Variants in FARP2 observed in about 807,000 individuals in gnomAD.
The protein encoded by FARP2 is FERM, ARH/RhoGEF and pleckstrin domain protein 2.
Under a neutral mutation model 130.5 loss-of-function variants are expected in FARP2, and 111 were observed. The observed-to-expected ratio is 0.85, with a 90% CI of 0.73 to 1.00. FARP2 has a LOEUF of 1.00. FARP2 is among the 50% of genes least tolerant of loss of function. FARP2 has a pLI of 0.00. For synonymous variants in FARP2, 504 were observed against 516.9 expected (o/e 0.98, Z 0.34); for missense variants, 1,385 against 1,346.3 (o/e 1.03, Z -0.45).
chr2:241,439,891 G>C (rs1282894508), intron 12 of FARP2, among the ~76,000 whole-genome samples: 3 of 152,146 alleles, frequency 2.0e-5, no homozygotes, highest in Non-Finnish European at 4.4e-5. Flanking sequence ...CTGGGAGGTG[G>C]AGGTTGCAGT....
At chr2:241,422,521 A>G (rs1170695376) in intron 8 of FARP2, among the ~76,000 whole-genome samples, 1 of 152,190 alleles carries the variant, frequency 6.6e-6, no homozygotes, top group Non-Finnish European at 1.5e-5. Context: ...GAAAATCAAC[A>G]CAAAAATGCT....
At chr2:241,406,984 A>T in intron 4 of FARP2, among the ~76,000 whole-genome samples, 1 of 151,260 alleles carries the variant, frequency 6.6e-6, no homozygotes, top group Non-Finnish European at 1.5e-5. Context: ...ATTTTTTTGT[A>T]TTTTTAATAG....
At chr2:241,467,444 G>A (rs926240434) in intron 17 of FARP2, among the ~76,000 whole-genome samples, 4 of 151,986 alleles carry the variant, frequency 2.6e-5, no homozygotes, top group African/African-American at 7.3e-5. Context: ...TCAGGAGTTC[G>A]AGACCAGCCT....
rs542418128 is a variant in FARP2, at chr2:241,399,305, G to GGTTT, written c.184-4510_184-4507dup. Among the ~76,000 whole-genome samples, 126 of 152,112 alleles carry GGTTT rather than the reference G, an allele frequency of 8.3e-4. 2 individuals carry two copies. Among genetic ancestry groups the GGTTT allele is most frequent in the Non-Finnish European group, 1.5e-3 (99 of 67,976 alleles). On this transcript the variant is annotated intron_variant, in intron 2 of 26. Transcript: ENST00000264042. Reference sequence around the variant, plus strand: ...TATGTTGACTACAAGACCTTTGTTGGGTTTGTTTGTTTGTTTTTGAGACGG... The same window carrying GGTTT: ...TATGTTGACTACAAGACCTTTGTTGGGTTTGTTTGTTTGTTTGTTTTTGAGACGG...
chr2:241,473,999 C>CTTA (rs1355307629), intron 18 of FARP2, among the ~76,000 whole-genome samples: 1 of 151,972 alleles, frequency 6.6e-6, no homozygotes, highest in Non-Finnish European at 1.5e-5. Flanking sequence ...GCTGTTGTCA[C>CTTA]CCCCACTGGA....
intron 2 of FARP2, among the ~76,000 whole-genome samples, chr2:241,389,367 C>G (rs1292634018): frequency 1.3e-5 from 2 of 152,220 alleles, no homozygotes; most frequent in African/African-American, 2.4e-5. Flanking sequence ...CTTCCTCTCT[C>G]TCTGTGCTAC....
At chr2:241,426,075 G>C (rs1305581575) in intron 8 of FARP2, among the ~76,000 whole-genome samples, 4 of 152,080 alleles carry the variant, frequency 2.6e-5, no homozygotes, top group African/African-American at 4.8e-5. Context: ...GGAAAAACTA[G>C]AGGAGAGAAT....
chr2:241,449,305 G>GA (rs1270143541), intron 13 of FARP2, among the ~76,000 whole-genome samples: 101 of 139,840 alleles, frequency 7.2e-4, no homozygotes, highest in East Asian at 6.6e-3. Flanking sequence ...CCAGAAAAAG[G>GA]AAAAAAAAAA....
chr2:241,379,212 C>G (rs1301382897), intron 2 of FARP2, among the ~76,000 whole-genome samples: 1 of 152,152 alleles, frequency 6.6e-6, no homozygotes, highest in Non-Finnish European at 1.5e-5. Context: ...CTCATTAATT[C>G]ATAATTAACT....
In FARP2 at chr2:241,487,746, C is replaced by CT. The variant is rs1167750549; in HGVS notation, c.2422-2195dup. 6.4e-3 allele frequency among the ~76,000 whole-genome samples: 471 copies of CT among 73,156 alleles called. 49 individuals are homozygous for CT. Among genetic ancestry groups the CT allele is most frequent in the Non-Finnish European group, 8.8e-3 (370 of 41,880 alleles). The allele number at this position is 73,156 out of a possible 152,430, so 48.0% of individuals were successfully genotyped here. ...ATGTCATAGCTTAGCCTAGCCTACT[C>CT]TTTTTTTTTTTTTTTTTTTTTGAGA... On this transcript the variant is annotated intron_variant, in intron 21 of 26. Transcript: ENST00000264042.
intron 8 of FARP2, among the ~76,000 whole-genome samples, chr2:241,423,644 C>G (rs1397291052): frequency 6.6e-6 from 1 of 152,064 alleles, no homozygotes; most frequent in African/African-American, 2.4e-5. Flanking sequence ...GCTAAATGCC[C>G]CCAATTAAAA....
intron 13 of FARP2, among the ~76,000 whole-genome samples, chr2:241,454,105 A>G (rs1022213651): frequency 2.6e-5 from 4 of 151,928 alleles, no homozygotes; most frequent in African/African-American, 9.7e-5. Context: ...TTTCTAATTT[A>G]CAGCCCTATT....
At chr2:241,417,831 A>G (rs2062714427) in intron 7 of FARP2, 131 bp from the exon 8 acceptor site, 1 of 954,660 alleles carries the variant, frequency 1.0e-6, no homozygotes, top group Non-Finnish European at 1.6e-6. Flanking sequence ...GTAAACACAG[A>G]CAGTGAACCA....
intron 2 of FARP2, among the ~76,000 whole-genome samples, chr2:241,379,928 G>A (rs762247982): frequency 4.6e-5 from 7 of 152,180 alleles, no homozygotes; most frequent in Non-Finnish European, 8.8e-5. Context: ...ATGTGGTAGG[G>A]TGGTGCACAG....
At chr2:241,386,072 G>A (rs2061776598) in intron 2 of FARP2, among the ~76,000 whole-genome samples, 1 of 152,126 alleles carries the variant, frequency 6.6e-6, no homozygotes, top group Non-Finnish European at 1.5e-5. Flanking sequence ...GCTGCCTGAT[G>A]TGCATATGGC....
chr2:241,466,338 A>T, intron 17 of FARP2: 1 of 985,410 alleles, frequency 1.0e-6, no homozygotes, highest in Non-Finnish European at 1.2e-6. Context: ...CCTCAGCGAC[A>T]CTATACAACT....
chr2:241,451,563 C>T (rs1021097092), intron 13 of FARP2, among the ~76,000 whole-genome samples: 5 of 152,016 alleles, frequency 3.3e-5, no homozygotes, highest in Non-Finnish European at 7.3e-5. Context: ...GTATATGATA[C>T]GAATTTTATA....
In FARP2 at chr2:241,441,162, A is replaced by G. The variant is rs201457013; in HGVS notation, c.1159-142A>G. The G allele has an allele frequency of 2.7e-4, 185 of 683,746 alleles. No individual in the cohort carries two copies. The East Asian group carries it at 5.0e-3, about 18-fold the overall frequency. 42.4% of individuals were successfully genotyped at this position (683,746 alleles called of 1,614,324 possible). A position where few individuals can be genotyped will look rare whatever the true frequency, so the allele number is the denominator to read the frequency against. On this transcript the variant is annotated intron_variant, in intron 12 of 26. Transcript: ENST00000264042. ...TTACAAATCTTCAGTTCTACAAGGGAAAGTCTAGTGAATTGCCCATTTTCA... is the reference window on the plus strand; with the variant it reads ...TTACAAATCTTCAGTTCTACAAGGGGAAGTCTAGTGAATTGCCCATTTTCA...
intron 13 of FARP2, among the ~76,000 whole-genome samples, chr2:241,447,931 G>A (rs3771573): frequency 0.17 from 25,396 of 152,126 alleles, 2,517 homozygotes; most frequent in East Asian, 0.4. Context: ...GTGCCTCCCC[G>A]GGGCTCTAAA....
Sources: gnomAD v4.1 joint callset for allele counts (sites outside exome capture counted in the v4.1 genomes callset) on GRCh38, gnomAD v4.1.1 for gene constraint, MANE v1.5 for transcripts, NCBI Gene and HGNC (gene_info 2026-07-23, HGNC 2026-07-21) for gene names.